The following OPCML variants were observed in gnomAD, a reference collection of about 807,000 sequenced individuals.
OPCML encodes opioid binding protein/cell adhesion molecule like, also known as opioid-binding protein/cell adhesion molecule.
In OPCML, 13 loss-of-function variants were observed where a neutral mutation model predicts 37.8. The observed-to-expected ratio is 0.34, with a 90% CI of 0.22 to 0.55. The LOEUF is 0.55. Ranked by LOEUF, OPCML falls within the 20% of genes least tolerant of loss-of-function variation. OPCML has a pLI of 0.91. For missense variants in OPCML, 341 were observed against 435.6 expected (o/e 0.78, Z 1.93); for synonymous variants, 176 against 168.8 (o/e 1.04, Z -0.33).
rs1325557138 is a variant in OPCML at position 133,479,723 on chromosome 11, CCCATATGCTGGGAA to C, written c.61+52527_61+52540del. The stretch of plus-strand genomic sequence containing the variant: ...ACCCAAGTCGCACAGTCTCGAGGAG[CCCATATGCTGGGAA>C]CCAGCTCCACACCACAGAGGACCAC... On this transcript the variant is annotated intron_variant, in intron 1 of 7. Transcript: ENST00000524381. Among the ~76,000 whole-genome samples the C allele has an allele frequency of 2.6e-5, 4 of 152,308 alleles. No individual in the cohort carries two copies. The East Asian group carries it at 7.7e-4, about 30-fold the overall frequency.
At chr11:133,504,539 A>G (rs951783316) in intron 1 of OPCML, among the ~76,000 whole-genome samples, 6 of 152,188 alleles carry the variant, frequency 3.9e-5, no homozygotes, top group African/African-American at 1.4e-4. Flanking sequence ...CTTCCATAAC[A>G]GACTTTTGTG....
At chr11:132,963,759 A>G (rs2136731350) in intron 1 of OPCML, among the ~76,000 whole-genome samples, 1 of 152,012 alleles carries the variant, frequency 6.6e-6, no homozygotes, top group South Asian at 2.1e-4. Context: ...CGATATTATT[A>G]TTATTATTAT....
At chr11:132,901,337 A>C (rs1222290580) in intron 2 of OPCML, among the ~76,000 whole-genome samples, 1 of 152,136 alleles carries the variant, frequency 6.6e-6, no homozygotes, top group Non-Finnish European at 1.5e-5. Flanking sequence ...ATAATAAATC[A>C]CCAATGAACA....
intron 2 of OPCML, among the ~76,000 whole-genome samples, chr11:132,813,104 A>G (rs2136230192): frequency 6.6e-6 from 1 of 152,336 alleles, no homozygotes; most frequent in South Asian, 2.1e-4. Context: ...TTTTTTAATA[A>G]TTTCATTGCT....
intron 1 of OPCML, among the ~76,000 whole-genome samples, chr11:133,167,634 CCT>C (rs1323443435): frequency 2.0e-5 from 3 of 151,846 alleles, no homozygotes; most frequent in Non-Finnish European, 2.9e-5. Context: ...GCCCTGGCTA[CCT>C]CTTTCTGCAT....
chr11:133,520,297 C>T (rs12792779), intron 1 of OPCML, among the ~76,000 whole-genome samples: 22,712 of 152,038 alleles, frequency 0.15, 2,144 homozygotes, highest in Admixed American at 0.28. Flanking sequence ...CCTCACTATC[C>T]CTGCTCAAGC....
In OPCML at chr11:133,253,820, CTTCCCTTCCA is replaced by C. The variant is rs1353743145; in HGVS notation, c.61+278434_61+278443del. ...TCTTTTTTCCTTTTTCCCTCCTTCC[CTTCCCTTCCA>C]TTCCCTTCCCTTCCCTTCCCTTCCC... On this transcript the variant is annotated intron_variant, in intron 1 of 7. Transcript: ENST00000524381. Among the ~76,000 whole-genome samples the C allele has an allele frequency of 6.1e-4, 42 of 68,970 alleles. 2 individuals are homozygous for C. Among genetic ancestry groups the C allele is most frequent in the African/African-American group, 2.0e-3 (37 of 18,128 alleles). The allele number at this position is 68,970 out of a possible 152,430, so 45.2% of individuals were successfully genotyped here. A position where few individuals can be genotyped will look rare whatever the true frequency, so the allele number is the denominator to read the frequency against.
In OPCML at chr11:133,394,181, T is replaced by A. The variant is rs540180698; in HGVS notation, c.61+138083A>T. On this transcript the variant is annotated intron_variant, in intron 1 of 7. Transcript: ENST00000524381. ...CTGGGCTTCTGGTCTCGCAGGCTCA[T>A]AAACTCAGAGCCAACATATTATAGT... is the stretch of plus-strand genomic sequence containing the variant. Among the ~76,000 whole-genome samples the A allele has an allele frequency of 3.9e-5, 6 of 152,366 alleles. No individual in the cohort carries two copies. In the South Asian group the frequency reaches 1.2e-3, roughly 32 times the overall value.
chr11:132,956,437 C>T (rs1472701205), intron 1 of OPCML, among the ~76,000 whole-genome samples: 5 of 152,164 alleles, frequency 3.3e-5, no homozygotes, highest in Admixed American at 2.6e-4. Flanking sequence ...CATGATAGTG[C>T]CCCGCCTTTA....
At chr11:133,456,721 A>G (rs1186310899) in intron 1 of OPCML, among the ~76,000 whole-genome samples, 1 of 152,082 alleles carries the variant, frequency 6.6e-6, no homozygotes. Context: ...CAAAGAGACA[A>G]AAATTATACT....
rs1230043049 is a variant in OPCML at position 132,657,110 on chromosome 11, G to A, written c.356C>T (p.Ser119Phe). 6.2e-7 allele frequency: 1 copy of A among 1,614,110 alleles called. No homozygotes were observed. Among genetic ancestry groups the A allele is most frequent in the Non-Finnish European group, 8.5e-7 (1 of 1,180,046 alleles). Residue 119 changes from serine to phenylalanine, a missense_variant, in exon 3 of 8, where the codon TCC becomes TTC. Transcript: ENST00000524381. ...ACCTTGCACTATTAGGTGAACCCGG[G>A]ACGTTTTGGGATGATTGTCTGTCTG... ...SVQTDNHPKT[S>F]RVHLIVQVPP...
chr11:132,787,773 GC>G (rs1947268677), intron 2 of OPCML, among the ~76,000 whole-genome samples: 1 of 152,082 alleles, frequency 6.6e-6, no homozygotes, highest in South Asian at 2.1e-4. Context: ...AAGCAAACCT[GC>G]CCCCATCTTG....
intron 3 of OPCML, among the ~76,000 whole-genome samples, chr11:132,598,040 C>T (rs938360706): frequency 6.6e-6 from 1 of 152,034 alleles, no homozygotes; most frequent in Non-Finnish European, 1.5e-5. Flanking sequence ...CTTGCTCCAG[C>T]AACCCTCGCT....
intron 4 of OPCML, among the ~76,000 whole-genome samples, chr11:132,488,632 A>G (rs1363628482): frequency 1.3e-5 from 2 of 152,266 alleles, no homozygotes; most frequent in African/African-American, 4.8e-5. Flanking sequence ...TACTCCACAC[A>G]TAGGCTACAC....
intron 4 of OPCML, among the ~76,000 whole-genome samples, chr11:132,452,497 A>ACTTCCTTCCTTC (rs575180796): frequency 0.066 from 6,393 of 96,748 alleles, 247 homozygotes; most frequent in African/African-American, 0.094. Context: ...TCCCTTCCTC[A>ACTTCCTTCCTTC]CTTCCTTCCT....
chr11:132,518,510 C>T (rs2096285187), intron 4 of OPCML, among the ~76,000 whole-genome samples: 1 of 152,182 alleles, frequency 6.6e-6, no homozygotes, highest in South Asian at 2.1e-4. Flanking sequence ...ACTTGAAGAG[C>T]CAGCTCCAGC....
chr11:132,491,907 G>C (rs1254483506), intron 4 of OPCML, among the ~76,000 whole-genome samples: 1 of 150,918 alleles, frequency 6.6e-6, no homozygotes, highest in East Asian at 2.0e-4. Context: ...TTGTAGGTGG[G>C]GTTTGGGACA....
intron 1 of OPCML, among the ~76,000 whole-genome samples, chr11:133,366,598 C>A (rs1188246968): frequency 2.6e-5 from 4 of 152,060 alleles, no homozygotes; most frequent in Non-Finnish European, 4.4e-5. Context: ...GAGAAGAAGG[C>A]GGAAGCCAAA....
intron 1 of OPCML, among the ~76,000 whole-genome samples, chr11:133,002,493 G>A (rs368494868): frequency 6.6e-5 from 10 of 152,152 alleles, no homozygotes; most frequent in East Asian, 3.9e-4. Context: ...ACTTTCTACC[G>A]AGGGGGTTCT....
Sources: gnomAD v4.1 joint callset for allele counts (sites outside exome capture counted in the v4.1 genomes callset) on GRCh38, gnomAD v4.1.1 for gene constraint, MANE v1.5 for transcripts, NCBI Gene and HGNC (gene_info 2026-07-23, HGNC 2026-07-21) for gene names.